The following MRPS27 variants were observed in gnomAD, a reference collection of about 807,000 sequenced individuals.
MRPS27 encodes mitochondrial ribosomal protein S27, also known as small ribosomal subunit protein mS27.
MRPS27 carries 43 observed loss-of-function variants against 48.9 expected under a neutral mutation model. The ratio of observed to expected loss-of-function variants is 0.88; its 90% confidence interval spans 0.69 to 1.13. The LOEUF (loss-of-function observed/expected upper bound fraction) is 1.13, where lower values mean the gene tolerates loss of function less well. MRPS27 is among the 50% of genes most tolerant of loss of function. The probability of loss-of-function intolerance (pLI) is 0.00; values close to 1 mark genes in which losing one functional copy is unlikely to be tolerated. For missense variants in MRPS27, 467 were observed against 476.3 expected (o/e 0.98, Z 0.18); for synonymous variants, 188 against 171.9 (o/e 1.09, Z -0.73).
chr5:72,297,039 A>G (rs1263441074), intron 3 of MRPS27, among the ~76,000 whole-genome samples: 1 of 152,198 alleles, frequency 6.6e-6, no homozygotes. Context: ...CACGCTTACA[A>G]GCTGTGTGAA....
At chr5:72,268,779 C>G (rs1749162297) in intron 4 of MRPS27, among the ~76,000 whole-genome samples, 1 of 152,212 alleles carries the variant, frequency 6.6e-6, no homozygotes, top group Non-Finnish European at 1.5e-5. Flanking sequence ...ACAATGCACT[C>G]TTACATAGAT....
chr5:72,295,600 G>C lies in MRPS27; in HGVS notation c.223-11C>G. On this transcript the variant is annotated splice_polypyrimidine_tract_variant and intron_variant, in intron 3 of 10. Coordinates refer to ENST00000261413, the MANE Select transcript of MRPS27 (RefSeq NM_015084.3). ...AATGTTGTCTATAAGCTAAAAGACA[G>C]AAAAAGAAACCTTTGGTTGAATATA... is the stretch of plus-strand genomic sequence containing the variant. The C allele has an allele frequency of 1.3e-6, 2 of 1,598,932 alleles. No individual in the cohort carries two copies. The highest frequency in any genetic ancestry group is 1.7e-6 in the Non-Finnish European group (2 of 1,166,872).
intron 4 of MRPS27, among the ~76,000 whole-genome samples, chr5:72,263,554 T>C (rs975935803): frequency 2.0e-5 from 3 of 150,032 alleles, no homozygotes; most frequent in African/African-American, 7.4e-5. Flanking sequence ...AAGGAACTCT[T>C]AACAACAAAA....
At chr5:72,297,530 C>A in intron 3 of MRPS27, 102 bp downstream of exon 3, 2 of 656,536 alleles carry the variant, frequency 3.0e-6, no homozygotes, top group Non-Finnish European at 2.5e-6. Context: ...AAAAATATTT[C>A]CTATGCAAAC....
At chr5:72,287,593 C>T (rs562734378) in intron 4 of MRPS27, among the ~76,000 whole-genome samples, 24 of 152,282 alleles carry the variant, frequency 1.6e-4, no homozygotes, top group Middle Eastern at 6.8e-3. Context: ...GAGCCAAGAT[C>T]GTGCTACCGC....
intron 4 of MRPS27, among the ~76,000 whole-genome samples, chr5:72,279,823 A>G (rs1248147411): frequency 2.6e-5 from 4 of 152,056 alleles, no homozygotes; most frequent in Non-Finnish European, 2.9e-5. Context: ...TACTATTAAT[A>G]TTCTCCTATA....
chr5:72,278,009 TTGA>T (rs1427097913), intron 4 of MRPS27, among the ~76,000 whole-genome samples: 3 of 152,108 alleles, frequency 2.0e-5, no homozygotes, highest in Non-Finnish European at 4.4e-5. Context: ...AGGTGACAGG[TTGA>T]TAGCTGCAGC....
chr5:72,294,593 T>G (rs1487595127), intron 4 of MRPS27: 1 of 152,208 alleles, frequency 6.6e-6, no homozygotes, highest in Non-Finnish European at 1.5e-5. Flanking sequence ...TTAGGTTGTT[T>G]CAGTCTTTTG....
chr5:72,261,875 C>T (rs966159621), intron 4 of MRPS27, among the ~76,000 whole-genome samples: 2 of 152,116 alleles, frequency 1.3e-5, no homozygotes, highest in East Asian at 3.9e-4. Context: ...TAGTGGTTGC[C>T]ACATTGCTAT....
chr5:72,237,454 T>C (rs1748229108), intron 5 of MRPS27, among the ~76,000 whole-genome samples: 1 of 152,164 alleles, frequency 6.6e-6, no homozygotes, highest in Admixed American at 6.5e-5. Flanking sequence ...TACCTTTTCA[T>C]AAAAAGACTG....
At chr5:72,306,311 C>T (rs957903752) in intron 2 of MRPS27, among the ~76,000 whole-genome samples, 2 of 152,124 alleles carry the variant, frequency 1.3e-5, no homozygotes, top group Non-Finnish European at 2.9e-5. Flanking sequence ...TCATGAATGG[C>T]CTTTAACTTC....
chr5:72,240,862 A>G (rs1365039662), intron 4 of MRPS27, among the ~76,000 whole-genome samples: 2 of 152,206 alleles, frequency 1.3e-5, no homozygotes. Context: ...GACTTCACAC[A>G]TCGAATACAA....
At chr5:72,297,834 A>T (rs1001943043) in intron 2 of MRPS27, 132 bp from the exon 3 acceptor site, 5 of 442,748 alleles carry the variant, frequency 1.1e-5, no homozygotes, top group African/African-American at 1.0e-4. Context: ...TTTTTATATA[A>T]ATTAAAGAGG....
intron 7 of MRPS27, chr5:72,229,530 T>C (rs1420963064): frequency 6.6e-6 from 1 of 151,974 alleles, no homozygotes; most frequent in Non-Finnish European, 1.5e-5. Flanking sequence ...TAAAACTGCA[T>C]GAAAAGTAGG....
At chr5:72,315,603 C>A (rs1750546673) in intron 1 of MRPS27, among the ~76,000 whole-genome samples, 1 of 149,622 alleles carries the variant, frequency 6.7e-6, no homozygotes, top group Non-Finnish European at 1.5e-5. Context: ...TATACACACA[C>A]AAATAGCTAA....
intron 7 of MRPS27, 95 bp downstream of exon 7, chr5:72,232,348 C>G (rs1748085000): frequency 1.3e-6 from 1 of 785,710 alleles, no homozygotes; most frequent in Non-Finnish European, 2.0e-6. Context: ...TGTGCCTGGC[C>G]ACAGAGCTGC....
chr5:72,220,831 T>C lies in MRPS27; in HGVS notation c.*78A>G, dbSNP rs977020025. On this transcript the variant is annotated 3_prime_UTR_variant, in exon 11 of 11. Coordinates refer to ENST00000261413, the MANE Select transcript of MRPS27 (RefSeq NM_015084.3). ...AGATGGGTAGAGGAAGCTGAGGCTG[T>C]TGTCCAGGCCACTGCTGAGTCCTGG... The C allele has an allele frequency of 7.7e-6, 12 of 1,562,802 alleles. No homozygotes were observed. In the Admixed American group the frequency reaches 2.1e-4, roughly 27 times the overall value.
In MRPS27 at chr5:72,234,164, AT is replaced by A; in HGVS notation, c.429del (p.Phe144SerfsTer4). 6.6e-7 allele frequency: 1 copy of A among 1,512,834 alleles called. No individual in the cohort carries two copies. Among genetic ancestry groups the A allele is most frequent in the Non-Finnish European group, 8.8e-7 (1 of 1,135,208 alleles). The allele number at this position is 1,512,834 out of a possible 1,614,324, so 93.7% of individuals were successfully genotyped here. ...ATGAAAGAATCCATCAGTAAATTGA[AT>A]GTAAAGTTATCTGGAAAAATTCCAT... ...VQYGIFPDNF[T>X]FNLLMDSFIK... On this transcript the variant is annotated frameshift_variant, in exon 6 of 11. Transcript: ENST00000261413. LOFTEE classifies it high-confidence loss of function.
chr5:72,237,592 G>A (rs996432375), intron 5 of MRPS27, among the ~76,000 whole-genome samples: 1 of 152,118 alleles, frequency 6.6e-6, no homozygotes, highest in African/African-American at 2.4e-5. Context: ...CTTGGGTGGT[G>A]TAACAGTCAG....
Sources: allele counts gnomAD v4.1 joint callset (sites outside exome capture counted in the v4.1 genomes callset), GRCh38; gene constraint gnomAD v4.1.1; transcripts MANE v1.5; gene names NCBI Gene and HGNC (gene_info 2026-07-23, HGNC 2026-07-21).